The following NBN variants were observed in gnomAD, a reference collection of about 807,000 sequenced individuals.
NBN encodes Nijmegen breakage syndrome 1 (nibrin).
Under a neutral mutation model 90.8 loss-of-function variants are expected in NBN, and 88 were observed. The ratio of observed to expected loss-of-function variants is 0.97; its 90% CI spans 0.82 to 1.16. NBN has a LOEUF of 1.16. Among genes scored for constraint, NBN ranks in the 50% most tolerant of loss-of-function variants. The pLI, the probability that NBN is intolerant of heterozygous loss-of-function variation, is 0.00. For missense variants in NBN, 894 were observed against 869.6 expected (o/e 1.03, Z -0.35); for synonymous variants, 328 against 295.1 (o/e 1.11, Z -1.14).
At chr8:89,957,368 T>C (rs1210258251) in intron 9 of NBN, among the ~76,000 whole-genome samples, 1 of 152,200 alleles carries the variant, frequency 6.6e-6, no homozygotes, top group Non-Finnish European at 1.5e-5. Flanking sequence ...TATCGAATAA[T>C]ATGAAGAAAA....
chr8:89,984,238 G>A (rs1393370839), intron 1 of NBN: 5 of 537,632 alleles, frequency 9.3e-6, no homozygotes, highest in Admixed American at 3.3e-5. Flanking sequence ...GCGCTGCAAC[G>A]GCGCGGGGGT....
chr8:89,974,131 C>T (rs1811637738), intron 5 of NBN, among the ~76,000 whole-genome samples: 1 of 151,864 alleles, frequency 6.6e-6, no homozygotes, highest in Admixed American at 6.6e-5. Context: ...ATGTATAATT[C>T]TGGCTCTAGA....
intron 2 of NBN, chr8:89,982,049 T>C (rs1430448736): frequency 1.2e-5 from 9 of 768,250 alleles, no homozygotes; most frequent in South Asian, 9.7e-5. Context: ...GAAATTCATA[T>C]CGCATATATG....
intron 7 of NBN, 75 bp from the exon 8 acceptor site, chr8:89,964,582 A>T: frequency 7.0e-7 from 1 of 1,421,642 alleles, no homozygotes; most frequent in Non-Finnish European, 9.7e-7. Flanking sequence ...GTCAAGATAA[A>T]GCAACCTCTT....
At chr8:89,947,043 CAAA>C (rs1810221037) in intron 12 of NBN, among the ~76,000 whole-genome samples, 5 of 146,866 alleles carry the variant, frequency 3.4e-5, no homozygotes, top group African/African-American at 1.3e-4. Context: ...TAAAAGCAGT[CAAA>C]AAGAAAAAAA....
intron 5 of NBN, among the ~76,000 whole-genome samples, chr8:89,974,250 GCT>G (rs1491353624): frequency 1.5e-5 from 2 of 131,148 alleles, no homozygotes; most frequent in African/African-American, 6.5e-5. Context: ...TTACTATATG[GCT>G]TTTTTTTTTT....
chr8:89,978,549 A>G (rs1310361753), intron 4 of NBN, among the ~76,000 whole-genome samples: 5 of 152,264 alleles, frequency 3.3e-5, no homozygotes, highest in African/African-American at 1.2e-4. Flanking sequence ...CTCAATTATA[A>G]GAAGTCACCG....
At chr8:89,950,278 AT>A (rs1397256784) in intron 11 of NBN, among the ~76,000 whole-genome samples, 5 of 152,224 alleles carry the variant, frequency 3.3e-5, no homozygotes, top group Non-Finnish European at 7.3e-5. Context: ...CAAGTCCCTG[AT>A]AAAAAAAAGC....
At chr8:89,958,667 T>A in intron 9 of NBN, 58 bp downstream of exon 9, 2 of 1,566,420 alleles carry the variant, frequency 1.3e-6, no homozygotes, top group Non-Finnish European at 1.8e-6. Flanking sequence ...ACTTCCTGAA[T>A]ATACTATTAA....
At chr8:89,946,370 T>C (rs952837709) in intron 12 of NBN, 75 bp from the exon 13 acceptor site, 3 of 1,375,812 alleles carry the variant, frequency 2.2e-6, no homozygotes, top group Admixed American at 3.5e-5. Context: ...TTTGGGAATC[T>C]ATAGAAAAAA....
chr8:89,974,924 T>A (rs960098284), intron 5 of NBN, among the ~76,000 whole-genome samples: 2 of 152,194 alleles, frequency 1.3e-5, no homozygotes, highest in African/African-American at 4.8e-5. Context: ...CAATACTTGT[T>A]GTTTGAAATA....
chr8:89,978,651 ACAT>A (rs1475094860), intron 4 of NBN, among the ~76,000 whole-genome samples: 18 of 152,348 alleles, frequency 1.2e-4, no homozygotes, highest in African/African-American at 4.3e-4. Context: ...ACTTTCGAAG[ACAT>A]TAAAATGTTA....
chr8:89,984,602 T>C lies in NBN; in HGVS notation c.-41A>G, dbSNP rs1196371338. On this transcript the variant is annotated 5_prime_UTR_variant, in exon 1 of 16. Coordinates refer to ENST00000265433, the MANE Select transcript of NBN (RefSeq NM_002485.5). ...GGGCTGGGGCCGACGTGCAACCGCG[T>C]AACCGGGGCTGCTAGACGAGCGCGG... 6.2e-7 allele frequency: 1 copy of C among 1,610,236 alleles called. No individual in the cohort carries two copies. Among genetic ancestry groups the C allele is most frequent in the South Asian group, 1.1e-5 (1 of 90,628 alleles).
At chr8:89,983,602 GTT>G (rs889102638) in intron 1 of NBN, among the ~76,000 whole-genome samples, 4 of 152,122 alleles carry the variant, frequency 2.6e-5, no homozygotes, top group African/African-American at 9.7e-5. Flanking sequence ...TTGAAAATTT[GTT>G]TTTATCTTAA....
At chr8:89,943,555 T>A (rs1309210528) in intron 13 of NBN, among the ~76,000 whole-genome samples, 189 bp from the exon 14 acceptor site, 1 of 152,160 alleles carries the variant, frequency 6.6e-6, no homozygotes, top group Non-Finnish European at 1.5e-5. Context: ...TTATAGCTAT[T>A]ACTATATACA....
chr8:89,979,493 T>C (rs942833574), intron 4 of NBN, among the ~76,000 whole-genome samples: 2 of 152,186 alleles, frequency 1.3e-5, no homozygotes, highest in African/African-American at 2.4e-5. Context: ...CAGTTTACAC[T>C]TCAGAAAATA....
At chr8:89,958,991 TG>T (rs1810868234) in intron 8 of NBN, 137 bp from the exon 9 acceptor site, 1 of 1,153,086 alleles carries the variant, frequency 8.7e-7, no homozygotes, top group Non-Finnish European at 1.3e-6. Flanking sequence ...CTCCAATGAG[TG>T]GTACCAACAA....
rs1809594783 is a variant in NBN at position 89,934,904 on chromosome 8, TTTCCATTCTGGTGAAAACTAAACCCATG to T, written c.*650_*677del. 12 of 232,848 alleles carry T rather than the reference TTTCCATTCTGGTGAAAACTAAACCCATG, an allele frequency of 5.2e-5. No individual in the cohort carries two copies. In the East Asian group the frequency reaches 7.3e-4, roughly 14 times the overall value. 14.4% of individuals were successfully genotyped at this position (232,848 alleles called of 1,614,324 possible). A position where few individuals can be genotyped will look rare whatever the true frequency, so the allele number is the denominator to read the frequency against. ...AGACCACCAAAAAGGGGTACAGGTC[TTTCCATTCTGGTGAAAACTAAACCCATG>T]TTTGATGAAGTCTCCACATGGTCTT... On this transcript the variant is annotated 3_prime_UTR_variant, in exon 16 of 16. Coordinates refer to ENST00000265433, the MANE Select transcript of NBN (RefSeq NM_002485.5).
In NBN at chr8:89,971,164, C is replaced by T. The variant is rs748373099; in HGVS notation, c.702+9G>A. On this transcript the variant is annotated intron_variant, in intron 6 of 15. Transcript: ENST00000265433. The stretch of plus-strand genomic sequence containing the variant: ...TTCTTTAGGAAAATTTAGCTTATAA[C>T]ATAATTACCTGTTTGGCATTCAAAA... 31 of 1,610,256 alleles carry T rather than the reference C, an allele frequency of 1.9e-5. No individual in the cohort carries two copies. In the Admixed American group the frequency reaches 3.2e-4, roughly 16 times the overall value.
Sources: allele counts gnomAD v4.1 joint callset (sites outside exome capture counted in the v4.1 genomes callset), GRCh38; gene constraint gnomAD v4.1.1; transcripts MANE v1.5; gene names NCBI Gene and HGNC (gene_info 2026-07-23, HGNC 2026-07-21).